Variants in PRKD1 observed in about 807,000 individuals in gnomAD.
PRKD1 encodes the protein protein kinase D1.
PRKD1 carries 63 observed loss-of-function variants against 95.9 expected under a neutral mutation model. The observed-to-expected ratio is 0.66, with a 90% CI of 0.54 to 0.81. PRKD1 has a LOEUF of 0.81. Ranked by LOEUF, PRKD1 falls within the 30% of genes least tolerant of loss-of-function variation. The pLI, the probability that PRKD1 is intolerant of heterozygous loss-of-function variation, is 0.00. For synonymous variants in PRKD1, 425 were observed against 423.1 expected (o/e 1.00, Z -0.05); for missense variants, 1,048 against 1,165.3 (o/e 0.90, Z 1.47).
Position 29,891,771 on chromosome 14 carries a change from G to A in PRKD1, c.264+35478C>T, listed in dbSNP as rs373576247. Among the ~76,000 whole-genome samples the A allele has an allele frequency of 9.6e-4, 146 of 151,742 alleles. 3 individuals are homozygous for A. The highest frequency in any genetic ancestry group is 3.4e-3 in the African/African-American group (139 of 41,364). The stretch of plus-strand genomic sequence containing the variant: ...CTTTTATCACTCACAGAAAATATAC[G>A]CTGCTTTAAAAGTAGGTACTTGAAA... On this transcript the variant is annotated intron_variant, in intron 1 of 17. Transcript: ENST00000331968.
At chr14:29,645,987 G>C (rs965496358) in intron 4 of PRKD1, among the ~76,000 whole-genome samples, 16 of 152,056 alleles carry the variant, frequency 1.1e-4, no homozygotes, top group Non-Finnish European at 1.9e-4. Flanking sequence ...ACAGAATATA[G>C]GTTTCAGGAG....
At chr14:29,859,828 G>C (rs1203282489) in intron 1 of PRKD1, among the ~76,000 whole-genome samples, 1 of 152,120 alleles carries the variant, frequency 6.6e-6, no homozygotes, top group Non-Finnish European at 1.5e-5. Context: ...GAATTCTTCA[G>C]TTGGAGACAA....
At chr14:29,770,497 C>T (rs533543388) in intron 1 of PRKD1, among the ~76,000 whole-genome samples, 36 of 152,162 alleles carry the variant, frequency 2.4e-4, no homozygotes, top group South Asian at 8.3e-4. Context: ...GAAATACAGA[C>T]GGTAAAGCCC....
Position 29,683,135 on chromosome 14 carries a change from C to T in PRKD1, c.404-16927G>A, listed in dbSNP as rs141459608. Among the ~76,000 whole-genome samples, 410 of 152,186 alleles carry T rather than the reference C, an allele frequency of 2.7e-3. 1 individual carries two copies. Among genetic ancestry groups the T allele is most frequent in the Non-Finnish European group, 4.6e-3 (316 of 68,004 alleles). On this transcript the variant is annotated intron_variant, in intron 2 of 17. Coordinates refer to ENST00000331968, the MANE Select transcript of PRKD1 (RefSeq NM_002742.3). ...GATGGACTGTAGAGAGGAAGGATTG[C>T]AGAGAAGATGGACTACAGAGCAGTG...
chr14:29,759,918 T>C (rs1171232581), intron 1 of PRKD1, among the ~76,000 whole-genome samples: 1 of 152,228 alleles, frequency 6.6e-6, no homozygotes, highest in Non-Finnish European at 1.5e-5. Flanking sequence ...TTTATAAAAG[T>C]AATGTCAACT....
At chr14:29,827,237 T>A (rs182456571) in intron 1 of PRKD1, among the ~76,000 whole-genome samples, 54 of 152,086 alleles carry the variant, frequency 3.6e-4, no homozygotes, top group East Asian at 2.5e-3. Context: ...TAATTTTTTT[T>A]AAAAAAGACA....
intron 1 of PRKD1, among the ~76,000 whole-genome samples, chr14:29,907,452 T>C (rs1001509384): frequency 2.6e-5 from 4 of 152,170 alleles, no homozygotes; most frequent in Non-Finnish European, 5.9e-5. Context: ...CATTCAATCA[T>C]TCAGTGCCAG....
intron 12 of PRKD1, among the ~76,000 whole-genome samples, chr14:29,625,009 G>T (rs1422461292): frequency 1.3e-5 from 2 of 152,118 alleles, no homozygotes; most frequent in African/African-American, 4.8e-5. Context: ...AAATGAATCA[G>T]AAAATAGAAA....
chr14:29,709,691 G>C (rs566587266), intron 2 of PRKD1, among the ~76,000 whole-genome samples: 1 of 152,140 alleles, frequency 6.6e-6, no homozygotes, highest in Non-Finnish European at 1.5e-5. Flanking sequence ...GCAGGAGAAG[G>C]CTGATGCAAC....
chr14:29,582,307 T>C (rs1892779761), intron 16 of PRKD1, among the ~76,000 whole-genome samples: 1 of 152,206 alleles, frequency 6.6e-6, no homozygotes, highest in Admixed American at 6.5e-5. Flanking sequence ...GAATCCATTC[T>C]TTCCCCCTTT....
intron 13 of PRKD1, among the ~76,000 whole-genome samples, chr14:29,607,586 T>C (rs887727054): frequency 6.6e-6 from 1 of 152,208 alleles, no homozygotes; most frequent in African/African-American, 2.4e-5. Context: ...TGAAGCTACC[T>C]GAATTCCTCA....
chr14:29,599,534 T>C, intron 14 of PRKD1, 122 bp downstream of exon 14: 1 of 911,586 alleles, frequency 1.1e-6, no homozygotes, highest in Non-Finnish European at 1.6e-6. Context: ...CACTACAACC[T>C]TTTCTAGTGT....
intron 1 of PRKD1, among the ~76,000 whole-genome samples, chr14:29,877,938 G>A (rs763775585): frequency 2.0e-4 from 30 of 152,202 alleles, no homozygotes; most frequent in Non-Finnish European, 3.4e-4. Context: ...GGAACATGAG[G>A]TACATATACA....
rs553997508 is a variant in PRKD1, at chr14:29,656,348, T to C, written c.696+7351A>G. On this transcript the variant is annotated intron_variant, in intron 4 of 17. Coordinates refer to ENST00000331968, the MANE Select transcript of PRKD1 (RefSeq NM_002742.3). ...TTTCTGTGGGTCAATGTGTTGAATT[T>C]TGAGCTAAACTCTGACCTGATTATT... The C allele has an allele frequency of 4.4e-5, 46 of 1,043,114 alleles. No homozygotes were observed. The African/African-American group carries it at 6.8e-4, about 15-fold the overall frequency. The allele number at this position is 1,043,114 out of a possible 1,614,324, so 64.6% of individuals were successfully genotyped here.
chr14:29,627,345 C>T (rs745639503), intron 11 of PRKD1, among the ~76,000 whole-genome samples: 4 of 152,144 alleles, frequency 2.6e-5, no homozygotes, highest in Non-Finnish European at 5.9e-5. Flanking sequence ...GAAGAGGAGG[C>T]TGAATCACTG....
intron 2 of PRKD1, among the ~76,000 whole-genome samples, chr14:29,688,750 GGT>G (rs1373260054): frequency 2.6e-5 from 4 of 151,772 alleles, no homozygotes; most frequent in African/African-American, 9.7e-5. Context: ...TGGGCAACAC[GGT>G]GAAACCTCAT....
Position 29,652,901 on chromosome 14 carries a change from T to G in PRKD1, c.696+10798A>C, listed in dbSNP as rs546365524. ...AAATAGCTTTTTGTCCATTATTTGC[T>G]TATTTGAAAAGAAACTACTTTGACT... On this transcript the variant is annotated intron_variant, in intron 4 of 17. Transcript: ENST00000331968. The G allele has an allele frequency of 9.2e-5, 14 of 152,330 alleles. No individual in the cohort carries two copies. The East Asian group carries it at 2.7e-3, about 29-fold the overall frequency. 9.4% of individuals were successfully genotyped at this position (152,330 alleles called of 1,614,324 possible).
intron 15 of PRKD1, 61 bp downstream of exon 15, chr14:29,598,966 C>T: frequency 7.5e-7 from 1 of 1,336,872 alleles, no homozygotes; most frequent in Non-Finnish European, 1.1e-6. Flanking sequence ...TGACAAGATG[C>T]TACATGGAAG....
At chr14:29,617,140 T>C (rs1292587587) in intron 13 of PRKD1, among the ~76,000 whole-genome samples, 3 of 152,234 alleles carry the variant, frequency 2.0e-5, no homozygotes, top group Non-Finnish European at 4.4e-5. Flanking sequence ...TTTCCCTTTT[T>C]TATGGCTGTA....
Sources: gnomAD v4.1 joint callset for allele counts (sites outside exome capture counted in the v4.1 genomes callset) on GRCh38, gnomAD v4.1.1 for gene constraint, MANE v1.5 for transcripts, NCBI Gene and HGNC (gene_info 2026-07-23, HGNC 2026-07-21) for gene names.